NUP210: variants seen among roughly 807,000 people sequenced by gnomAD.
The protein encoded by NUP210 is nuclear pore membrane glycoprotein 210.
NUP210 carries 151 observed loss-of-function variants against 196.0 expected under a neutral mutation model. The ratio of observed to expected loss-of-function variants is 0.77; its 90% CI spans 0.67 to 0.88. NUP210 has a LOEUF of 0.88. Ranked by LOEUF, NUP210 falls within the 40% of genes least tolerant of loss-of-function variation. NUP210 has a pLI of 0.00. For synonymous variants in NUP210, 1,070 were observed against 1,052.7 expected, an observed-to-expected ratio of 1.02 and a Z score of -0.32; for missense variants, 2,314 against 2,493.7, an observed-to-expected ratio of 0.93 and a Z score of 1.53.
At chr3:13,407,160 T>A (rs1490905631) in intron 1 of NUP210, among the ~76,000 whole-genome samples, 2 of 152,128 alleles carry the variant, frequency 1.3e-5, no homozygotes. Context: ...TTCTCACAGC[T>A]CTCAGATCTA....
chr3:13,349,007 A>G (rs979973117), intron 20 of NUP210, among the ~76,000 whole-genome samples: 3 of 152,222 alleles, frequency 2.0e-5, no homozygotes, highest in Admixed American at 6.5e-5. Flanking sequence ...CACATCAAAA[A>G]ACAGCCGGAG....
chr3:13,326,284 G>A (rs1303022565), intron 32 of NUP210, among the ~76,000 whole-genome samples: 1 of 152,164 alleles, frequency 6.6e-6, no homozygotes, highest in African/African-American at 2.4e-5. Flanking sequence ...CTGCTGCCAG[G>A]CCCTGCCCTC....
intron 3 of NUP210, among the ~76,000 whole-genome samples, chr3:13,395,152 T>A (rs547008471): frequency 6.6e-6 from 1 of 152,086 alleles, no homozygotes; most frequent in Non-Finnish European, 1.5e-5. Context: ...CTGGGCACCA[T>A]CCTGGCATAA....
intron 12 of NUP210, 69 bp downstream of exon 12, chr3:13,373,649 T>G: frequency 6.5e-7 from 1 of 1,542,394 alleles, no homozygotes; most frequent in Non-Finnish European, 8.9e-7. Context: ...AGTCGAGGCT[T>G]GCTCAGAGGG....
chr3:13,321,572 A>T lies in NUP210; in HGVS notation c.5166+13T>A. ...GACTCCGGCCTGGCCTGAGGCATGC[A>T]GATGCCACTCACCTCCAAGTTCTCC... On this transcript the variant is annotated intron_variant, in intron 36 of 39. Coordinates refer to ENST00000254508, the MANE Select transcript of NUP210 (RefSeq NM_024923.4). The T allele has an allele frequency of 6.2e-7, 1 of 1,610,734 alleles. No homozygotes were observed. Among genetic ancestry groups the T allele is most frequent in the Admixed American group, 1.7e-5 (1 of 59,980 alleles).
In NUP210 at chr3:13,351,881, T is replaced by C. The variant is rs755691404; in HGVS notation, c.2833A>G (p.Met945Val). 9 of 1,609,796 alleles carry C rather than the reference T, an allele frequency of 5.6e-6. No individual in the cohort carries two copies. In the African/African-American group the frequency reaches 8.0e-5, roughly 14 times the overall value. The change falls in exon 20 of 40, where the codon ATG (methionine) becomes GTG (valine). Residue 945 changes from methionine to valine, a missense_variant and splice_region_variant. Physicochemically the swap from Met to Val is conservative, Grantham distance 21. Coordinates refer to ENST00000254508, the MANE Select transcript of NUP210 (RefSeq NM_024923.4). ...VAYQEARGVA[M>V]VHPLLPGSST... ...GGGGACCGATGGCCCAAGCTTACCA[T>C]GGCGACACCCCTGGCCTCCTGGTAG...
rs552866358 is a variant in NUP210 at position 13,367,655 on chromosome 3, C to T, written c.1787-1564G>A. Among the ~76,000 whole-genome samples, 11 of 152,276 alleles carry T rather than the reference C, an allele frequency of 7.2e-5. No individual in the cohort carries two copies. In the South Asian group the frequency reaches 1.9e-3, roughly 26 times the overall value. ...AACTGAATCATGCTTGGTATTGTTC[C>T]CATAAAGGGAACCATGGGCATAACT... On this transcript the variant is annotated intron_variant, in intron 13 of 39. Transcript: ENST00000254508.
intron 20 of NUP210, among the ~76,000 whole-genome samples, chr3:13,351,104 G>A (rs572634266): frequency 2.6e-5 from 4 of 152,208 alleles, no homozygotes; most frequent in African/African-American, 7.2e-5. Flanking sequence ...ACTTGAAGAT[G>A]GACTGCCAGC....
chr3:13,317,646 G>A lies in NUP210; in HGVS notation c.*35C>T, dbSNP rs774171036. ...TCCATCTTGGGGGTGCACGAGGCTC[G>A]GCTGAGACCCATCCTCCGGGAACCT... On this transcript the variant is annotated 3_prime_UTR_variant, in exon 40 of 40. Coordinates refer to ENST00000254508, the MANE Select transcript of NUP210 (RefSeq NM_024923.4). 4.8e-6 allele frequency: 7 copies of A among 1,471,662 alleles called. No individual in the cohort carries two copies. In the Admixed American group the frequency reaches 5.6e-5, roughly 12 times the overall value. The allele number at this position is 1,471,662 out of a possible 1,614,324, so 91.2% of individuals were successfully genotyped here. A position where few individuals can be genotyped will look rare whatever the true frequency, so the allele number is the denominator to read the frequency against.
chr3:13,357,290 G>A (rs972461257), intron 16 of NUP210, among the ~76,000 whole-genome samples: 11 of 152,182 alleles, frequency 7.2e-5, no homozygotes, highest in Non-Finnish European at 1.0e-4. Flanking sequence ...CGGTGAGCTC[G>A]CACATGCCCT....
chr3:13,327,546 T>A, intron 31 of NUP210, 109 bp from the exon 32 acceptor site: 1 of 833,054 alleles, frequency 1.2e-6, no homozygotes, highest in Non-Finnish European at 1.9e-6. Context: ...TTCAACTGAC[T>A]GAGGTCCCAG....
intron 14 of NUP210, among the ~76,000 whole-genome samples, chr3:13,361,508 T>C (rs997979067): frequency 1.3e-5 from 2 of 152,042 alleles, no homozygotes; most frequent in African/African-American, 4.8e-5. Context: ...ACAGGAGGAC[T>C]CCTCCCTCCA....
chr3:13,418,500 G>A (rs953950724), intron 1 of NUP210, among the ~76,000 whole-genome samples: 6 of 152,144 alleles, frequency 3.9e-5, no homozygotes, highest in Non-Finnish European at 8.8e-5. Context: ...ATTTTGGGAA[G>A]CTGAGGCAGG....
Position 13,335,561 on chromosome 3 carries a change from G to T in NUP210, c.3736C>A (p.Arg1246=). The stretch of plus-strand genomic sequence containing the variant: ...CTCAGCCCGGTCCGGCCTTTTACCC[G>T]GCCGAGCACGTTCATGGCAAAGTTG... ...QYNFAMNVLG[R]VKGRTGLRVV... The change falls in exon 28 of 40, where the codon CGG becomes AGG. Residue 1246 remains arginine (R), a synonymous_variant. Transcript: ENST00000254508. 2 of 1,614,082 alleles carry T rather than the reference G, an allele frequency of 1.2e-6. No individual in the cohort carries two copies. The highest frequency in any genetic ancestry group is 1.7e-6 in the Non-Finnish European group (2 of 1,180,038).
At chr3:13,320,980 G>A (rs1448936678) in intron 36 of NUP210, among the ~76,000 whole-genome samples, 1 of 152,084 alleles carries the variant, frequency 6.6e-6, no homozygotes, top group Non-Finnish European at 1.5e-5. Flanking sequence ...CACGCCGCCA[G>A]CGGGCTGGCC....
Position 13,329,046 on chromosome 3 carries a change from C to T in NUP210, c.4111-100G>A. ...AGGGGACACCTGCCCCCAGCAGGAT[C>T]CACCTCAGGAACAATGCAGGGCTGG... On this transcript the variant is annotated intron_variant, in intron 30 of 39. Transcript: ENST00000254508. 4 of 1,013,792 alleles carry T rather than the reference C, an allele frequency of 3.9e-6. No homozygotes were observed. In the South Asian group the frequency reaches 6.1e-5, roughly 15 times the overall value. The allele number at this position is 1,013,792 out of a possible 1,614,324, so 62.8% of individuals were successfully genotyped here.
chr3:13,385,392 A>T (rs1029532149), intron 6 of NUP210, among the ~76,000 whole-genome samples: 3 of 152,234 alleles, frequency 2.0e-5, no homozygotes, highest in Non-Finnish European at 4.4e-5. Flanking sequence ...TATGCTCTGG[A>T]TGTTAAACAT....
intron 1 of NUP210, among the ~76,000 whole-genome samples, chr3:13,419,430 C>T (rs1297370844): frequency 6.6e-6 from 1 of 152,212 alleles, no homozygotes; most frequent in African/African-American, 2.4e-5. Context: ...AACTCCCAAC[C>T]CGAGAGGGAG....
intron 8 of NUP210, among the ~76,000 whole-genome samples, chr3:13,378,555 G>C (rs1020550076): frequency 3.9e-5 from 6 of 152,168 alleles, no homozygotes; most frequent in African/African-American, 7.2e-5. Context: ...TGTCACCTTA[G>C]GGTCCCTCTA....
Sources: allele counts gnomAD v4.1 joint callset (sites outside exome capture counted in the v4.1 genomes callset), GRCh38; gene constraint gnomAD v4.1.1; transcripts MANE v1.5; gene names NCBI Gene and HGNC (gene_info 2026-07-23, HGNC 2026-07-21).